Variants in AHI1 observed in about 807,000 individuals in gnomAD.
AHI1 encodes the protein Abelson helper integration site 1.
Under a neutral mutation model 149.3 loss-of-function variants are expected in AHI1, and 123 were observed. The ratio of observed to expected loss-of-function variants is 0.82; its 90% CI spans 0.71 to 0.96. The LOEUF is 0.96. Ranked by LOEUF, AHI1 falls within the 40% of genes least tolerant of loss-of-function variation. The pLI is 0.00. For missense variants in AHI1, 1,439 were observed against 1,422.7 expected (o/e 1.01, Z -0.18); for synonymous variants, 475 against 459.8 (o/e 1.03, Z -0.42).
intron 5 of AHI1, among the ~76,000 whole-genome samples, chr6:135,480,943 G>A (rs867959816): frequency 6.6e-6 from 1 of 152,308 alleles, no homozygotes; most frequent in Middle Eastern, 3.4e-3. Flanking sequence ...AATACCTGAT[G>A]ATCTGAGATG....
At chr6:135,355,262 T>C (rs986051566) in intron 24 of AHI1, among the ~76,000 whole-genome samples, 4 of 152,124 alleles carry the variant, frequency 2.6e-5, no homozygotes, top group African/African-American at 9.7e-5. Flanking sequence ...TTGATTCTTT[T>C]TGACGAAAGG....
chr6:135,401,321 T>C (rs1159554959), intron 22 of AHI1, among the ~76,000 whole-genome samples: 3 of 152,224 alleles, frequency 2.0e-5, no homozygotes, highest in East Asian at 3.8e-4. Context: ...TGTGTCTCTC[T>C]ACAATAAAAG....
rs1261553587 is a variant in AHI1, at chr6:135,340,654, CATACATATATATATATATATATAT to C, written c.3166-17354_3166-17331del. Among the ~76,000 whole-genome samples the C allele has an allele frequency of 3.4e-3, 199 of 58,594 alleles. 5 individuals carry two copies. Among genetic ancestry groups the C allele is most frequent in the Admixed American group, 9.8e-3 (39 of 3,998 alleles). The allele number at this position is 58,594 out of a possible 152,430, so 38.4% of individuals were successfully genotyped here. On this transcript the variant is annotated intron_variant, in intron 24 of 28. Transcript: ENST00000265602. ...AAAAACCAGTACATATATATACATA[CATACATATATATATATATATATAT>C]ATATATATATATATATATGTTTTTG...
At chr6:135,450,952 C>T (rs1787995585) in intron 11 of AHI1, among the ~76,000 whole-genome samples, 1 of 151,764 alleles carries the variant, frequency 6.6e-6, no homozygotes, top group African/African-American at 2.4e-5. Flanking sequence ...TCCCTCGTAC[C>T]AACAGGATAG....
At chr6:135,439,828 G>C (rs1358849118) in intron 14 of AHI1, among the ~76,000 whole-genome samples, 3 of 152,096 alleles carry the variant, frequency 2.0e-5, no homozygotes, top group African/African-American at 7.2e-5. Context: ...CTTCCACTGA[G>C]GGTCTTAGAA....
chr6:135,324,555 T>C (rs202028983), intron 24 of AHI1, among the ~76,000 whole-genome samples: 3 of 27,880 alleles, frequency 1.1e-4, no homozygotes. Flanking sequence ...TATATACATA[T>C]ATATATATAT....
At chr6:135,472,422 T>C (rs970789431) in intron 5 of AHI1, among the ~76,000 whole-genome samples, 1 of 152,236 alleles carries the variant, frequency 6.6e-6, no homozygotes, top group Admixed American at 6.5e-5. Context: ...CACATTTTGT[T>C]TCTCCATACA....
intron 20 of AHI1, among the ~76,000 whole-genome samples, chr6:135,413,506 T>C (rs1029309079): frequency 1.3e-5 from 2 of 151,102 alleles, no homozygotes; most frequent in Non-Finnish European, 2.9e-5. Flanking sequence ...TTTGCAGACA[T>C]GATTGTCTAG....
At position 135,484,100 on chromosome 6, in the gene AHI1, G is replaced by C. The variant is rs151264294; in HGVS notation, c.135+6523C>G. Among the ~76,000 whole-genome samples the C allele has an allele frequency of 9.4e-3, 1,433 of 152,240 alleles. 36 individuals carry two copies. Among genetic ancestry groups the C allele is most frequent in the African/African-American group, 0.033 (1,370 of 41,466 alleles). ...TTACATGGATGGTGGCAGACAAAGA[G>C]AGAGCTTGTGCAGGGAAACTCCCAT... On this transcript the variant is annotated intron_variant, in intron 5 of 28. Transcript: ENST00000265602.
chr6:135,408,001 C>T (rs1347544721), intron 21 of AHI1, among the ~76,000 whole-genome samples: 1 of 151,500 alleles, frequency 6.6e-6, no homozygotes, highest in Non-Finnish European at 1.5e-5. Context: ...TGCCACTGTA[C>T]TCCAGCCTGG....
intron 23 of AHI1, among the ~76,000 whole-genome samples, chr6:135,366,932 T>C (rs1028048937): frequency 4.6e-5 from 7 of 152,226 alleles, no homozygotes; most frequent in Non-Finnish European, 1.0e-4. Flanking sequence ...ACTTTCCTCT[T>C]AGCACTGCTT....
At chr6:135,296,164 T>C (rs1783066840) in intron 27 of AHI1, among the ~76,000 whole-genome samples, 1 of 152,204 alleles carries the variant, frequency 6.6e-6, no homozygotes, top group Admixed American at 6.5e-5. Flanking sequence ...CGCAATTTAT[T>C]TTATATCAAG....
At chr6:135,492,132 T>C (rs1795336875) in intron 4 of AHI1, 96 bp downstream of exon 4, 5 of 862,022 alleles carry the variant, frequency 5.8e-6, no homozygotes, top group Middle Eastern at 3.6e-4. Flanking sequence ...ATCTACTGTA[T>C]TCATTAATCT....
rs561962191 is a variant in AHI1, at chr6:135,433,961, C to A, written c.2037-705G>T. ...GCTACAGTCTTGACAAATGAGTAAA[C>A]CCTTAAGGGTTAACCTCTTAGATAC... On this transcript the variant is annotated intron_variant, in intron 15 of 28. Transcript: ENST00000265602. Among the ~76,000 whole-genome samples, 12 of 151,976 alleles carry A rather than the reference C, an allele frequency of 7.9e-5. No individual in the cohort carries two copies. In the South Asian group the frequency reaches 2.3e-3, roughly 29 times the overall value.
At position 135,376,881 on chromosome 6, in the gene AHI1, C is replaced by CAAAAAAAAAAAAAAAAAAAAA. The variant is rs1167083326; in HGVS notation, c.3109+17874_3109+17894dup. On this transcript the variant is annotated intron_variant, in intron 23 of 28. Transcript: ENST00000265602. Reference sequence around the variant, plus strand: ...TCGGTGACAGAGCGAGACTCCATCTCAAAAAAAAAAAAAAAAAAAAAAAAA... The same window carrying CAAAAAAAAAAAAAAAAAAAAA: ...TCGGTGACAGAGCGAGACTCCATCTCAAAAAAAAAAAAAAAAAAAAAAAAAAAAAAAAAAAAAAAAAAAAAA... Among the ~76,000 whole-genome samples, 4 of 29,414 alleles carry CAAAAAAAAAAAAAAAAAAAAA rather than the reference C, an allele frequency of 1.4e-4. 1 individual carries two copies. Among genetic ancestry groups the CAAAAAAAAAAAAAAAAAAAAA allele is most frequent in the African/African-American group, 6.4e-4 (4 of 6,230 alleles). 19.3% of individuals were successfully genotyped at this position (29,414 alleles called of 152,430 possible). A position where few individuals can be genotyped will look rare whatever the true frequency, so the allele number is the denominator to read the frequency against.
chr6:135,388,432 C>A (rs1263733419), intron 23 of AHI1, among the ~76,000 whole-genome samples: 1 of 152,094 alleles, frequency 6.6e-6, no homozygotes, highest in Non-Finnish European at 1.5e-5. Context: ...AATGTTTTTT[C>A]TTTGAAATAC....
chr6:135,337,902 C>G (rs1398839435), intron 24 of AHI1, among the ~76,000 whole-genome samples: 1 of 151,922 alleles, frequency 6.6e-6, no homozygotes, highest in East Asian at 1.9e-4. Context: ...AAAGTCAATC[C>G]AAATATTCTA....
At chr6:135,410,915 T>C (rs532424493) in intron 21 of AHI1, among the ~76,000 whole-genome samples, 214 of 152,346 alleles carry the variant, frequency 1.4e-3, no homozygotes, top group Non-Finnish European at 5.6e-4. Flanking sequence ...GGATCTCGCC[T>C]CACTGAAACC....
Position 135,359,149 on chromosome 6 carries a change from T to G in AHI1, c.3110-962A>C, listed in dbSNP as rs141864485. 2.4e-3 allele frequency among the ~76,000 whole-genome samples: 371 copies of G among 152,340 alleles called. 4 individuals are homozygous for G. Among genetic ancestry groups the G allele is most frequent in the African/African-American group, 8.4e-3 (348 of 41,590 alleles). On this transcript the variant is annotated intron_variant, in intron 23 of 28. Coordinates refer to ENST00000265602, the MANE Select transcript of AHI1 (RefSeq NM_001134831.2). ...AAGTGAGATCAACACAAACAATCAC[T>G]TTTTATCGCTTTGCAAGAGTATTTT... is the stretch of plus-strand genomic sequence containing the variant.
Sources: gnomAD v4.1 joint callset for allele counts (sites outside exome capture counted in the v4.1 genomes callset) on GRCh38, gnomAD v4.1.1 for gene constraint, MANE v1.5 for transcripts, NCBI Gene and HGNC (gene_info 2026-07-23, HGNC 2026-07-21) for gene names.